The following MDGA2 variants were observed in gnomAD, a reference collection of about 807,000 sequenced individuals.
The protein encoded by MDGA2 is MAM domain-containing glycosylphosphatidylinositol anchor protein 2.
A neutral mutation model predicts 117.8 loss-of-function variants in MDGA2; 40 were observed. The ratio of observed to expected loss-of-function variants is 0.34; its 90% confidence interval spans 0.26 to 0.44. MDGA2 has a LOEUF of 0.44. Among genes scored for constraint, MDGA2 ranks in the 20% least tolerant of loss-of-function variants. The probability of loss-of-function intolerance (pLI) is 1.00; values close to 1 mark genes in which losing one functional copy is unlikely to be tolerated. For missense variants in MDGA2, 1,123 were observed against 1,250.6 expected, an observed-to-expected ratio of 0.90 and a Z score of 1.54; for synonymous variants, 452 against 439.0, an observed-to-expected ratio of 1.03 and a Z score of -0.37.
chr14:47,086,983 A>C (rs1368374944), intron 6 of MDGA2, among the ~76,000 whole-genome samples: 4 of 152,184 alleles, frequency 2.6e-5, no homozygotes, highest in Non-Finnish European at 5.9e-5. Flanking sequence ...ATAGCAACTG[A>C]CACAGATATA....
At chr14:46,972,177 G>A (rs959289874) in intron 8 of MDGA2, among the ~76,000 whole-genome samples, 1 of 152,076 alleles carries the variant, frequency 6.6e-6, no homozygotes, top group Non-Finnish European at 1.5e-5. Flanking sequence ...TAACTTGTAG[G>A]ATGTATGCTA....
intron 1 of MDGA2, among the ~76,000 whole-genome samples, chr14:47,491,041 CAGAT>C (rs554601578): frequency 1.5e-4 from 23 of 152,048 alleles, no homozygotes; most frequent in Non-Finnish European, 2.5e-4. Context: ...GGTAGACAAA[CAGAT>C]AGAGGATTAG....
At chr14:47,465,796 C>A (rs933805781) in intron 1 of MDGA2, among the ~76,000 whole-genome samples, 20 of 152,094 alleles carry the variant, frequency 1.3e-4, no homozygotes, top group African/African-American at 4.8e-4. Flanking sequence ...CTAAAAGCAG[C>A]ATTATCATTT....
intron 1 of MDGA2, among the ~76,000 whole-genome samples, chr14:47,614,525 A>C (rs547065756): frequency 6.6e-6 from 1 of 152,206 alleles, no homozygotes. Flanking sequence ...ACTCACAGAT[A>C]AATTATAGAT....
chr14:47,413,670 G>T (rs373953658), intron 1 of MDGA2, among the ~76,000 whole-genome samples: 20 of 144,958 alleles, frequency 1.4e-4, no homozygotes, highest in South Asian at 4.3e-4. Context: ...ATAGTTTTTG[G>T]TTTTTTTTTT....
At chr14:47,458,078 T>C (rs961689753) in intron 1 of MDGA2, among the ~76,000 whole-genome samples, 2 of 152,100 alleles carry the variant, frequency 1.3e-5, no homozygotes, top group African/African-American at 4.8e-5. Context: ...TGCTGGCCAT[T>C]TGTAAGTCTT....
At chr14:47,085,810 CTT>C (rs1890875191) in intron 6 of MDGA2, among the ~76,000 whole-genome samples, 1 of 151,972 alleles carries the variant, frequency 6.6e-6, no homozygotes, top group Admixed American at 6.6e-5. Context: ...TTTGACTAGT[CTT>C]ATATTTATTA....
At chr14:46,860,070 G>T (rs899412499) in intron 14 of MDGA2, among the ~76,000 whole-genome samples, 1 of 151,752 alleles carries the variant, frequency 6.6e-6, no homozygotes, top group African/African-American at 2.4e-5. Context: ...TTACACATAA[G>T]ACCACATGTA....
intron 14 of MDGA2, among the ~76,000 whole-genome samples, chr14:46,873,113 T>C (rs552061699): frequency 1.5e-3 from 229 of 152,112 alleles, no homozygotes; most frequent in Middle Eastern, 6.8e-3. Flanking sequence ...TGTCGAAGCA[T>C]GTTTCTTCGG....
intron 8 of MDGA2, among the ~76,000 whole-genome samples, chr14:46,962,795 A>G (rs375424972): frequency 1.9e-4 from 29 of 152,286 alleles, no homozygotes; most frequent in African/African-American, 6.0e-4. Flanking sequence ...GTGAGTATAG[A>G]CAAAAATAAG....
At chr14:47,144,794 A>T (rs1174183700) in intron 3 of MDGA2, among the ~76,000 whole-genome samples, 1 of 147,296 alleles carries the variant, frequency 6.8e-6, no homozygotes, top group African/African-American at 2.5e-5. Flanking sequence ...GACTACAGGC[A>T]TGTGCTACCA....
chr14:46,845,934 A>C, intron 15 of MDGA2, 63 bp from the exon 16 acceptor site: 1 of 1,227,866 alleles, frequency 8.1e-7, no homozygotes, highest in South Asian at 1.3e-5. Flanking sequence ...GTTTCTCTTG[A>C]GAAATCAAGG....
intron 4 of MDGA2, among the ~76,000 whole-genome samples, chr14:47,140,419 AC>A (rs140751508): frequency 0.012 from 1,818 of 152,230 alleles, 34 homozygotes; most frequent in African/African-American, 0.041. Flanking sequence ...ATACTATCTG[AC>A]TTCAAAATAT....
chr14:47,491,280 C>T (rs1894164154), intron 1 of MDGA2, among the ~76,000 whole-genome samples: 3 of 152,026 alleles, frequency 2.0e-5, no homozygotes, highest in Non-Finnish European at 4.4e-5. Context: ...ACAACTGGCC[C>T]TAAAACCACT....
rs375332903 is a variant in MDGA2, at chr14:47,312,693, G to GTTTTTTTT, written c.281-11144_281-11143insAAAAAAAA. ...TAGTTTTTAGTTTTTTTTTTGTTTT[G>GTTTTTTTT]TTTTGTTTTTTTTTTTTGTAGAGAT... On this transcript the variant is annotated intron_variant, in intron 1 of 16. Transcript: ENST00000399232. Among the ~76,000 whole-genome samples the GTTTTTTTT allele has an allele frequency of 7.5e-4, 78 of 104,352 alleles. 2 individuals are homozygous for GTTTTTTTT. Among genetic ancestry groups the GTTTTTTTT allele is most frequent in the African/African-American group, 8.9e-4 (26 of 29,064 alleles). The allele number at this position is 104,352 out of a possible 152,430, so 68.5% of individuals were successfully genotyped here.
chr14:47,577,122 T>C (rs906507783), intron 1 of MDGA2, among the ~76,000 whole-genome samples: 3 of 152,066 alleles, frequency 2.0e-5, no homozygotes, highest in Non-Finnish European at 4.4e-5. Flanking sequence ...GAGGAAGATA[T>C]ATGAGACAGG....
At chr14:47,046,158 A>T (rs1192152158) in intron 7 of MDGA2, among the ~76,000 whole-genome samples, 1 of 143,194 alleles carries the variant, frequency 7.0e-6, no homozygotes, top group Non-Finnish European at 1.5e-5. Flanking sequence ...TATGATAATA[A>T]TAATAATAAA....
intron 5 of MDGA2, among the ~76,000 whole-genome samples, chr14:47,109,451 T>C (rs1880915305): frequency 1.3e-5 from 2 of 152,322 alleles, no homozygotes; most frequent in East Asian, 3.9e-4. Context: ...TTTGCCCCTA[T>C]GCTTTCACTG....
intron 1 of MDGA2, among the ~76,000 whole-genome samples, chr14:47,574,181 A>G (rs1896072082): frequency 6.6e-6 from 1 of 152,168 alleles, no homozygotes. Flanking sequence ...CCAAGTAGGT[A>G]TTAGGCGATT....
Sources: allele counts gnomAD v4.1 joint callset (sites outside exome capture counted in the v4.1 genomes callset), GRCh38; gene constraint gnomAD v4.1.1; transcripts MANE v1.5; gene names NCBI Gene and HGNC (gene_info 2026-07-23, HGNC 2026-07-21).